The following CRPPA variants were observed in gnomAD, a reference collection of about 807,000 sequenced individuals.
The protein encoded by CRPPA is D-ribitol-5-phosphate cytidylyltransferase.
CRPPA carries 43 observed loss-of-function variants against 52.0 expected under a neutral mutation model. The ratio of observed to expected loss-of-function variants is 0.83; its 90% CI spans 0.65 to 1.07. The LOEUF is 1.07. Ranked by LOEUF, CRPPA falls within the 50% of genes least tolerant of loss-of-function variation. The probability of loss-of-function intolerance (pLI) is 0.00; values close to 1 mark genes in which losing one functional copy is unlikely to be tolerated. For synonymous variants in CRPPA, 250 were observed against 203.5 expected, an observed-to-expected ratio of 1.23 and a Z score of -1.94; for missense variants, 629 against 551.7, an observed-to-expected ratio of 1.14 and a Z score of -1.40.
chr7:16,193,513 C>G (rs904752776), intron 9 of CRPPA, among the ~76,000 whole-genome samples: 1 of 152,042 alleles, frequency 6.6e-6, no homozygotes, highest in African/African-American at 2.4e-5. Flanking sequence ...ATTAGTGATA[C>G]ACTCTTGCTC....
chr7:16,378,913 T>A (rs1786990625), intron 2 of CRPPA, among the ~76,000 whole-genome samples: 1 of 152,222 alleles, frequency 6.6e-6, no homozygotes. Flanking sequence ...CGTCTTCTTT[T>A]GAGAAGTGTC....
chr7:16,214,825 T>C (rs1304308120), intron 9 of CRPPA, among the ~76,000 whole-genome samples: 1 of 152,212 alleles, frequency 6.6e-6, no homozygotes, highest in Non-Finnish European at 1.5e-5. Flanking sequence ...TTACTGACCA[T>C]GGATACAGAT....
chr7:16,093,586 G>A (rs760937438), intron 9 of CRPPA, among the ~76,000 whole-genome samples: 4 of 151,996 alleles, frequency 2.6e-5, no homozygotes, highest in Admixed American at 2.0e-4. Flanking sequence ...TCTTGAAAGC[G>A]GGTTTTATAC....
chr7:16,265,569 A>G (rs1481406059), intron 6 of CRPPA, among the ~76,000 whole-genome samples: 8 of 152,190 alleles, frequency 5.3e-5, no homozygotes, highest in African/African-American at 1.9e-4. Context: ...CAAGTCATTC[A>G]TCTTTGAATA....
intron 3 of CRPPA, among the ~76,000 whole-genome samples, chr7:16,361,979 C>A (rs752555637): frequency 3.9e-5 from 6 of 152,194 alleles, no homozygotes; most frequent in Middle Eastern, 3.4e-3. Context: ...CTCAGCCTCC[C>A]GAGTAGCTGG....
At chr7:16,370,728 C>T (rs373409527) in intron 3 of CRPPA, among the ~76,000 whole-genome samples, 2 of 152,062 alleles carry the variant, frequency 1.3e-5, no homozygotes, top group African/African-American at 4.8e-5. Context: ...AGGCAGGCAG[C>T]CTCTGTAATC....
At chr7:16,229,195 CT>C (rs1204085071) in intron 8 of CRPPA, among the ~76,000 whole-genome samples, 3 of 151,954 alleles carry the variant, frequency 2.0e-5, no homozygotes, top group African/African-American at 7.2e-5. Flanking sequence ...ATTAGTCTCT[CT>C]TTGGCAGCAT....
intron 9 of CRPPA, among the ~76,000 whole-genome samples, chr7:16,182,516 T>G (rs759091853): frequency 4.6e-5 from 7 of 152,128 alleles, no homozygotes; most frequent in Non-Finnish European, 7.4e-5. Context: ...ATAAGTGAAG[T>G]ATTTCATAAA....
intron 3 of CRPPA, among the ~76,000 whole-genome samples, chr7:16,326,042 G>A (rs893418360): frequency 7.3e-5 from 10 of 137,414 alleles, no homozygotes; most frequent in African/African-American, 2.2e-4. Flanking sequence ...ATGTAAATAT[G>A]CTTTAAGTAA....
chr7:16,363,467 C>A (rs1049419713), intron 3 of CRPPA, among the ~76,000 whole-genome samples: 1 of 151,992 alleles, frequency 6.6e-6, no homozygotes, highest in Non-Finnish European at 1.5e-5. Flanking sequence ...AACTAATTCA[C>A]ATTAGACAAA....
intron 9 of CRPPA, among the ~76,000 whole-genome samples, chr7:16,213,565 A>G (rs1002661084): frequency 2.0e-4 from 30 of 152,226 alleles, no homozygotes; most frequent in African/African-American, 5.5e-4. Context: ...CCGGGTCAAC[A>G]TGGTGAAACC....
chr7:16,270,521 T>A (rs1397658871), intron 6 of CRPPA: 1 of 152,134 alleles, frequency 6.6e-6, no homozygotes. Context: ...AACTAGGTGG[T>A]CTATCATTTT....
chr7:16,173,522 T>C (rs899452297), intron 9 of CRPPA, among the ~76,000 whole-genome samples: 7 of 152,200 alleles, frequency 4.6e-5, no homozygotes. Context: ...TGCAACCTAC[T>C]ACGTGGACCA....
intron 9 of CRPPA, among the ~76,000 whole-genome samples, chr7:16,126,865 A>G (rs1328204100): frequency 6.6e-6 from 1 of 152,184 alleles, no homozygotes; most frequent in Non-Finnish European, 1.5e-5. Context: ...GTCATAGAAA[A>G]ATGAGCAACA....
chr7:16,223,290 C>T (rs1322866704), intron 8 of CRPPA, among the ~76,000 whole-genome samples: 1 of 152,104 alleles, frequency 6.6e-6, no homozygotes, highest in Non-Finnish European at 1.5e-5. Flanking sequence ...ACTTAGATGC[C>T]ATCTACAAAC....
intron 4 of CRPPA, 91 bp from the exon 5 acceptor site, chr7:16,301,557 T>G: frequency 1.1e-6 from 1 of 895,542 alleles, no homozygotes; most frequent in Non-Finnish European, 1.8e-6. Context: ...TCTTGATTTT[T>G]CAGAAGCTAT....
At chr7:16,275,331 C>G (rs1038409142) in intron 6 of CRPPA, among the ~76,000 whole-genome samples, 56 of 152,224 alleles carry the variant, frequency 3.7e-4, no homozygotes, top group Admixed American at 3.1e-3. Context: ...CTAGGGATAA[C>G]TGGGGGTCTG....
intron 9 of CRPPA, among the ~76,000 whole-genome samples, chr7:16,156,164 T>C (rs1022679598): frequency 2.1e-4 from 32 of 151,492 alleles, no homozygotes; most frequent in Non-Finnish European, 3.2e-4. Flanking sequence ...ATCTAGAATC[T>C]TAAAAAGAAG....
chr7:16,160,969 T>C (rs1783291107), intron 9 of CRPPA, among the ~76,000 whole-genome samples: 1 of 152,206 alleles, frequency 6.6e-6, no homozygotes, highest in African/African-American at 2.4e-5. Context: ...TATTTGTCTA[T>C]TGTTGATGTA....
Sources: allele counts gnomAD v4.1 joint callset (sites outside exome capture counted in the v4.1 genomes callset), GRCh38; gene constraint gnomAD v4.1.1; transcripts MANE v1.5; gene names NCBI Gene and HGNC (gene_info 2026-07-23, HGNC 2026-07-21).